The following KANK4 variants were observed in gnomAD, a reference collection of about 807,000 sequenced individuals.
KANK4 encodes KN motif and ankyrin repeat domain-containing protein 4.
A neutral mutation model predicts 80.8 loss-of-function variants in KANK4; 50 were observed. The ratio of observed to expected loss-of-function variants is 0.62; its 90% CI spans 0.49 to 0.78. KANK4 has a LOEUF of 0.78. Ranked by LOEUF, KANK4 falls within the 30% of genes least tolerant of loss-of-function variation. KANK4 has a pLI of 0.00. For missense variants in KANK4, 1,196 were observed against 1,240.1 expected (o/e 0.96, Z 0.53); for synonymous variants, 465 against 506.9 (o/e 0.92, Z 1.11).
At position 62,287,282 on chromosome 1, in the gene KANK4, T is replaced by C. The variant is rs549223577; in HGVS notation, c.-70-5648A>G. 2.6e-5 allele frequency among the ~76,000 whole-genome samples: 4 copies of C among 152,304 alleles called. No individual in the cohort carries two copies. The East Asian group carries it at 5.8e-4, about 22-fold the overall frequency. On this transcript the variant is annotated intron_variant, in intron 1 of 9. Coordinates refer to ENST00000371153, the MANE Select transcript of KANK4 (RefSeq NM_181712.5). The stretch of plus-strand genomic sequence containing the variant: ...CCAGGAAAGCGTCTGGGTTCCTTTA[T>C]GCAGACTCAGTAAAAGGATTAGAGG...
chr1:62,263,064 A>G, intron 7 of KANK4, 28 bp downstream of exon 7: 1 of 1,552,842 alleles, frequency 6.4e-7, no homozygotes, highest in Non-Finnish European at 8.9e-7. Context: ...GGAGGGACCC[A>G]GACTGTATGA....
intron 9 of KANK4, among the ~76,000 whole-genome samples, chr1:62,243,895 G>A (rs549756112): frequency 5.3e-5 from 8 of 152,114 alleles, no homozygotes; most frequent in Admixed American, 2.0e-4. Flanking sequence ...CAAGACCTTT[G>A]TTCTCCCTGC....
intron 1 of KANK4, among the ~76,000 whole-genome samples, chr1:62,284,564 C>T (rs1279466397): frequency 1.3e-5 from 2 of 152,194 alleles, no homozygotes; most frequent in Non-Finnish European, 2.9e-5. Flanking sequence ...GGTGATCCGC[C>T]CACCTTGGCC....
chr1:62,269,105 A>C (rs542374162), intron 4 of KANK4, among the ~76,000 whole-genome samples: 6 of 152,344 alleles, frequency 3.9e-5, no homozygotes, highest in Admixed American at 3.9e-4. Context: ...AGCCTGTTTG[A>C]ACTATTGCTT....
chr1:62,279,202 A>T (rs1354206302), intron 2 of KANK4, among the ~76,000 whole-genome samples: 1 of 28,620 alleles, frequency 3.5e-5, no homozygotes, highest in South Asian at 1.4e-3. Flanking sequence ...GCGCGCGCAC[A>T]CACACACACA....
At chr1:62,290,441 G>GACCC (rs2149159954) in intron 1 of KANK4, among the ~76,000 whole-genome samples, 1 of 152,310 alleles carries the variant, frequency 6.6e-6, no homozygotes, top group East Asian at 1.9e-4. Flanking sequence ...CTGGCTGCAT[G>GACCC]ACCCTGAGAA....
intron 6 of KANK4, among the ~76,000 whole-genome samples, chr1:62,265,523 T>C (rs1382604304): frequency 6.6e-6 from 1 of 152,222 alleles, no homozygotes; most frequent in East Asian, 1.9e-4. Flanking sequence ...ATTACAGGCG[T>C]GAGACACTGG....
Position 62,268,013 on chromosome 1 carries a change from T to C in KANK4, c.2231+274A>G, listed in dbSNP as rs113681329. Among the ~76,000 whole-genome samples, 1,601 of 152,184 alleles carry C rather than the reference T, an allele frequency of 0.011. 35 individuals carry two copies. The highest frequency in any genetic ancestry group is 0.037 in the African/African-American group (1,529 of 41,496). Reference sequence around the variant, plus strand: ...GCAGGACTGTTGGAAGTTGTGTATATAGGATAATACTTGTAAAGTCCTTCA... The same window carrying C: ...GCAGGACTGTTGGAAGTTGTGTATACAGGATAATACTTGTAAAGTCCTTCA... On this transcript the variant is annotated intron_variant, in intron 5 of 9. Coordinates refer to ENST00000371153, the MANE Select transcript of KANK4 (RefSeq NM_181712.5).
At chr1:62,314,525 A>G (rs1424704998) in intron 1 of KANK4, among the ~76,000 whole-genome samples, 1 of 151,872 alleles carries the variant, frequency 6.6e-6, no homozygotes, top group African/African-American at 2.4e-5. Context: ...GTGGAGGGGA[A>G]TCGGCACCGA....
At chr1:62,315,063 T>C (rs956909102) in intron 1 of KANK4, among the ~76,000 whole-genome samples, 2 of 152,188 alleles carry the variant, frequency 1.3e-5, no homozygotes, top group East Asian at 3.8e-4. Flanking sequence ...AATCCTACTT[T>C]GAAATATTAT....
intron 1 of KANK4, among the ~76,000 whole-genome samples, chr1:62,312,598 C>T (rs550650196): frequency 6.6e-6 from 1 of 152,206 alleles, no homozygotes. Context: ...AAGTTCTTCA[C>T]ATAGGACTCT....
At chr1:62,247,982 G>A (rs979564727) in intron 8 of KANK4, among the ~76,000 whole-genome samples, 2 of 152,034 alleles carry the variant, frequency 1.3e-5, no homozygotes, top group African/African-American at 4.8e-5. Flanking sequence ...TGACGGCAGG[G>A]ACTAAGTGTT....
Position 62,258,357 on chromosome 1 carries a change from C to T in KANK4, c.2539+4735G>A, listed in dbSNP as rs1193289782. 8.5e-5 allele frequency among the ~76,000 whole-genome samples: 13 copies of T among 152,216 alleles called. No homozygotes were observed. The East Asian group carries it at 2.5e-3, about 29-fold the overall frequency. The stretch of plus-strand genomic sequence containing the variant: ...CAGTAACAGAACACAGAGCCATGCT[C>T]CATTTAATTATGTGCCTTTCTCAAT... On this transcript the variant is annotated intron_variant, in intron 7 of 9. Coordinates refer to ENST00000371153, the MANE Select transcript of KANK4 (RefSeq NM_181712.5).
At chr1:62,293,388 C>T (rs569078766) in intron 1 of KANK4, among the ~76,000 whole-genome samples, 51 of 152,178 alleles carry the variant, frequency 3.4e-4, no homozygotes, top group Non-Finnish European at 6.5e-4. Context: ...AGCCACCATG[C>T]CCGGCCTCAA....
rs1161853013 is a variant in KANK4 at position 62,238,402 on chromosome 1, A to G, written c.2884-21T>C. ...CCAGCCTACAGGAGAAAAAGGAAAG[A>G]AGAAATAAATATCATCCAATCTGCC... On this transcript the variant is annotated intron_variant, in intron 9 of 9. Coordinates refer to ENST00000371153, the MANE Select transcript of KANK4 (RefSeq NM_181712.5). The G allele has an allele frequency of 1.9e-6, 3 of 1,606,864 alleles. No individual in the cohort carries two copies. In the African/African-American group the frequency reaches 4.0e-5, roughly 21 times the overall value.
At chr1:62,242,398 A>G (rs1160430899) in intron 9 of KANK4, among the ~76,000 whole-genome samples, 1 of 150,350 alleles carries the variant, frequency 6.7e-6, no homozygotes, top group East Asian at 1.9e-4. Flanking sequence ...AAAAGGAAAG[A>G]AAAAGAGAAG....
chr1:62,289,625 T>C (rs1672639320), intron 1 of KANK4, among the ~76,000 whole-genome samples: 1 of 152,088 alleles, frequency 6.6e-6, no homozygotes, highest in Middle Eastern at 3.4e-3. Context: ...AATACAATGG[T>C]GAAGACAGAA....
chr1:62,249,352 GTGTGCGTGTGTGTA>G (rs1303704563), intron 8 of KANK4, among the ~76,000 whole-genome samples: 1 of 95,726 alleles, frequency 1.0e-5, no homozygotes, highest in Non-Finnish European at 2.1e-5. Flanking sequence ...ATGTTTGTGT[GTGTGCGTGTGTGTA>G]TATATATATA....
intron 8 of KANK4, among the ~76,000 whole-genome samples, chr1:62,248,179 T>C (rs1398447896): frequency 6.6e-6 from 1 of 152,172 alleles, no homozygotes; most frequent in Non-Finnish European, 1.5e-5. Flanking sequence ...CAGAACCCTC[T>C]TCTCTCAACA....
Sources: allele counts gnomAD v4.1 joint callset (sites outside exome capture counted in the v4.1 genomes callset), GRCh38; gene constraint gnomAD v4.1.1; transcripts MANE v1.5; gene names NCBI Gene and HGNC (gene_info 2026-07-23, HGNC 2026-07-21).